TBC1D8B: variants seen among roughly 807,000 people sequenced by gnomAD.
TBC1D8B encodes RP11-321G1.1.
TBC1D8B carries 75 observed loss-of-function variants against 82.9 expected under a neutral mutation model. The ratio of observed to expected loss-of-function variants is 0.90; its 90% CI spans 0.75 to 1.10. The LOEUF is 1.10. TBC1D8B is among the 50% of genes least tolerant of loss of function. The pLI is 0.00. For missense variants in TBC1D8B, 794 were observed against 796.9 expected, an observed-to-expected ratio of 1.00 and a Z score of 0.04; for synonymous variants, 276 against 276.8, an observed-to-expected ratio of 1.00 and a Z score of 0.03.
chrX:106,810,868 G>A (rs1179677816), intron 1 of TBC1D8B, among the ~76,000 whole-genome samples: 1 of 111,365 alleles, frequency 9.0e-6, no homozygotes, highest in Non-Finnish European at 1.9e-5. Flanking sequence ...CCTTGTAGGA[G>A]GTTTTGAAAA....
chrX:106,814,969 G>A (rs1253804015), intron 1 of TBC1D8B: 4 of 111,286 alleles, frequency 3.6e-5, no homozygotes, highest in African/African-American at 1.3e-4. Flanking sequence ...TGAGTAGGTT[G>A]TGAAAATTTT....
At chrX:106,804,020 C>T (rs769281343) in intron 1 of TBC1D8B, among the ~76,000 whole-genome samples, 7 of 111,825 alleles carry the variant, frequency 6.3e-5, no homozygotes, top group Non-Finnish European at 1.3e-4. Flanking sequence ...TTTACTCAAC[C>T]TTAAGCACCT....
chrX:106,823,186 T>A (rs751178618), intron 4 of TBC1D8B, 40 bp from the exon 5 acceptor site: 2 of 1,158,071 alleles, frequency 1.7e-6, no homozygotes, highest in Non-Finnish European at 2.3e-6. Context: ...TAAATCACTA[T>A]GAAAATTTAA....
chrX:106,873,660 AC>A lies in TBC1D8B; in HGVS notation c.3060del (p.Ser1021AlafsTer67). Reference sequence around the variant, plus strand: ...ATTATATCAAGCCATTGCTGTTGTAACCAGCCTTTTACTCAGGATGGAAGAA... The same window carrying A: ...ATTATATCAAGCCATTGCTGTTGTAACAGCCTTTTACTCAGGATGGAAGAA... ...ESLYQAIAVV[T>X]SLLLRMEEVG... On this transcript the variant is annotated frameshift_variant, in exon 21 of 21. Transcript: ENST00000357242. LOFTEE classifies it high-confidence loss of function. 8.3e-7 allele frequency: 1 copy of A among 1,211,520 alleles called. No individual in the cohort carries two copies. The highest frequency in any genetic ancestry group is 1.1e-6 in the Non-Finnish European group (1 of 895,263).
At chrX:106,864,335 C>T (rs776605978) in intron 14 of TBC1D8B, among the ~76,000 whole-genome samples, 6 of 109,875 alleles carry the variant, frequency 5.5e-5, no homozygotes, top group Non-Finnish European at 1.1e-4. Context: ...TGCTGCCCAG[C>T]TTCCCTCCTC....
At chrX:106,848,112 C>A in intron 10 of TBC1D8B, 74 bp from the exon 11 acceptor site, 1 of 689,736 alleles carries the variant, frequency 1.4e-6, no homozygotes, top group African/African-American at 2.1e-5. Context: ...CTGTCAAAAA[C>A]TATTATGTTT....
At position 106,853,596 on chromosome X, in the gene TBC1D8B, A is replaced by T. The variant is rs1952401748; in HGVS notation, c.2199A>T (p.Glu733Asp). The T allele has an allele frequency of 1.7e-6, 2 of 1,209,807 alleles. No homozygotes were observed. Among genetic ancestry groups the T allele is most frequent in the Non-Finnish European group, 2.2e-6 (2 of 893,762 alleles). Residue 733 changes from glutamate (E) to aspartate (D), a missense_variant, in exon 13 of 21, where the codon GAA (glutamate) becomes GAT (aspartate). Physicochemically the swap from Glu to Asp is conservative, Grantham distance 45 (BLOSUM62 2). Coordinates refer to ENST00000357242, the MANE Select transcript of TBC1D8B (RefSeq NM_017752.3). ...AGCAAGGTTCAAATGTGAGTGATGAAAAAACCAGTCATACTAGAGTGGATA... is the reference window on the plus strand; with the variant it reads ...AGCAAGGTTCAAATGTGAGTGATGATAAAACCAGTCATACTAGAGTGGATA... ...NVQQGSNVSD[E>D]KTSHTRVDIT...
At chrX:106,805,039 A>G (rs1486882195) in intron 1 of TBC1D8B, among the ~76,000 whole-genome samples, 1 of 84,303 alleles carries the variant, frequency 1.2e-5, no homozygotes, top group African/African-American at 4.5e-5. Flanking sequence ...GTAATGTAGT[A>G]TTGCATGTTT....
At chrX:106,822,265 ATGTTAGGT>A in intron 4 of TBC1D8B, 63 bp downstream of exon 4, 1 of 869,643 alleles carries the variant, frequency 1.1e-6, no homozygotes. Flanking sequence ...AACTCTAATG[ATGTTAGGT>A]TGTAAATAAA....
rs748930594 is a variant in TBC1D8B, at chrX:106,842,343, A to C, written c.1719+1459A>C. 2.7e-5 allele frequency among the ~76,000 whole-genome samples: 3 copies of C among 111,126 alleles called. No homozygotes were observed. In the South Asian group the frequency reaches 1.2e-3, roughly 43 times the overall value. On this transcript the variant is annotated intron_variant, in intron 10 of 20. Coordinates refer to ENST00000357242, the MANE Select transcript of TBC1D8B (RefSeq NM_017752.3). ...ACTTAATATTGACTTCTAAAAGATG[A>C]GAGCAAAGTTAGAAACATGGAGGGC...
chrX:106,829,513 T>G (rs867629624), intron 7 of TBC1D8B: 1 of 84,257 alleles, frequency 1.2e-5, no homozygotes, highest in South Asian at 5.0e-4. Flanking sequence ...AGAACAAAGC[T>G]GGAGGCATCA....
At chrX:106,821,906 C>A in intron 3 of TBC1D8B, 71 bp from the exon 4 acceptor site, 1 of 874,633 alleles carries the variant, frequency 1.1e-6, no homozygotes, top group Non-Finnish European at 1.6e-6. Flanking sequence ...ATTCAATCAA[C>A]TGTTTGAATG....
chrX:106,835,436 G>A (rs1932153657), intron 7 of TBC1D8B, among the ~76,000 whole-genome samples: 1 of 112,352 alleles, frequency 8.9e-6, no homozygotes, highest in South Asian at 3.7e-4. Context: ...TTCCAGGCCT[G>A]TGATGGGAGG....
At chrX:106,852,856 A>G (rs1932619719) in intron 12 of TBC1D8B, among the ~76,000 whole-genome samples, 2 of 111,655 alleles carry the variant, frequency 1.8e-5, no homozygotes, top group African/African-American at 3.3e-5. Context: ...GTCAGGTAGC[A>G]TGATGCCTCC....
At chrX:106,859,534 C>T (rs1216147525) in intron 14 of TBC1D8B, among the ~76,000 whole-genome samples, 1 of 111,570 alleles carries the variant, frequency 9.0e-6, no homozygotes. Context: ...CATAGAAATG[C>T]TACTGATTTT....
chrX:106,823,389 T>C lies in TBC1D8B; in HGVS notation c.750T>C (p.Tyr250=). 1 of 1,210,483 alleles carries C rather than the reference T, an allele frequency of 8.3e-7. No individual in the cohort carries two copies. The highest frequency in any genetic ancestry group is 1.7e-5 in the African/African-American group (1 of 57,761). ...TTCTTATGGAACAGCTGGCAAACTA[T>C]GCCATTAGAAGACTTTTTGATAAGG... is the stretch of plus-strand genomic sequence containing the variant. ...TYLLMEQLAN[Y]AIRRLFDKET... The change falls in exon 5 of 21, where the codon TAT becomes TAC. Residue 250 remains tyrosine (Y), a synonymous_variant. Coordinates refer to ENST00000357242, the MANE Select transcript of TBC1D8B (RefSeq NM_017752.3).
chrX:106,850,583 T>C (rs975586439), intron 12 of TBC1D8B, among the ~76,000 whole-genome samples: 3 of 111,875 alleles, frequency 2.7e-5, no homozygotes, highest in Admixed American at 9.5e-5. Flanking sequence ...TATTCCCAGT[T>C]TGAGCTATAA....
chrX:106,839,963 T>C (rs1932263166), intron 8 of TBC1D8B, 85 bp from the exon 9 acceptor site: 5 of 982,719 alleles, frequency 5.1e-6, no homozygotes, highest in Non-Finnish European at 6.9e-6. Context: ...TAGATGTTGT[T>C]TCAAGGTAAA....
chrX:106,846,606 C>T (rs949034896), intron 10 of TBC1D8B, among the ~76,000 whole-genome samples: 2 of 111,428 alleles, frequency 1.8e-5, no homozygotes, highest in Admixed American at 1.9e-4. Flanking sequence ...GTTCTTGTTG[C>T]TTTTATAGAG....
Sources: gnomAD v4.1 joint callset for allele counts (sites outside exome capture counted in the v4.1 genomes callset) on GRCh38, gnomAD v4.1.1 for gene constraint, MANE v1.5 for transcripts, NCBI Gene and HGNC (gene_info 2026-07-23, HGNC 2026-07-21) for gene names.